The following CFAP61 variants were observed in gnomAD, a reference collection of about 807,000 sequenced individuals.
CFAP61 encodes the protein cilia- and flagella-associated protein 61.
CFAP61 carries 107 observed loss-of-function variants against 135.6 expected under a neutral mutation model. The observed-to-expected ratio is 0.79, with a 90% CI of 0.67 to 0.93. The LOEUF (loss-of-function observed/expected upper bound fraction) is 0.93, where lower values mean the gene tolerates loss of function less well. CFAP61 is among the 40% of genes least tolerant of loss of function. The pLI is 0.00. For synonymous variants in CFAP61, 575 were observed against 578.5 expected (o/e 0.99, Z 0.09); for missense variants, 1,507 against 1,556.2 (o/e 0.97, Z 0.53).
At chr20:20,263,997 TTTG>T (rs1338592710) in intron 21 of CFAP61, among the ~76,000 whole-genome samples, 1 of 152,190 alleles carries the variant, frequency 6.6e-6, no homozygotes, top group East Asian at 1.9e-4. Flanking sequence ...TCTAATTATA[TTTG>T]TTAATACATT....
At chr20:20,173,564 T>C (rs911063069) in intron 13 of CFAP61, among the ~76,000 whole-genome samples, 12 of 152,244 alleles carry the variant, frequency 7.9e-5, no homozygotes, top group East Asian at 1.9e-4. Flanking sequence ...ATATCTTCTT[T>C]GGTGAGGTGT....
chr20:20,267,027 T>G lies in CFAP61; in HGVS notation c.2503+3897T>G, dbSNP rs552934800. ...TCAGCCCTTGCCACCAGGGCCCTGA[T>G]GAAGTTGAGGATATCAGTCTCTATT... On this transcript the variant is annotated intron_variant, in intron 21 of 26. Transcript: ENST00000245957. Among the ~76,000 whole-genome samples the G allele has an allele frequency of 2.4e-3, 365 of 152,144 alleles. 1 individual carries two copies. The highest frequency in any genetic ancestry group is 3.8e-3 in the Non-Finnish European group (259 of 67,982).
chr20:20,335,202 T>C (rs1046141108), intron 25 of CFAP61, among the ~76,000 whole-genome samples: 2 of 152,184 alleles, frequency 1.3e-5, no homozygotes, highest in African/African-American at 4.8e-5. Context: ...CCCAGAGTGT[T>C]CGGTTTTGGA....
chr20:20,138,212 G>A (rs1262582526), intron 8 of CFAP61, among the ~76,000 whole-genome samples: 1 of 152,222 alleles, frequency 6.6e-6, no homozygotes, highest in Non-Finnish European at 1.5e-5. Flanking sequence ...GTGAGATGCG[G>A]TGCCTGGGAT....
Position 20,061,470 on chromosome 20 carries a change from G to A in CFAP61, c.143+4674G>A, listed in dbSNP as rs553951281. Reference sequence around the variant, plus strand: ...GAAATATTTAAAGTCAAAGTATCAGGAAAAAAGATATGCCACCCAAAATCT... The same window carrying A: ...GAAATATTTAAAGTCAAAGTATCAGAAAAAAAGATATGCCACCCAAAATCT... On this transcript the variant is annotated intron_variant, in intron 2 of 26. Coordinates refer to ENST00000245957, the MANE Select transcript of CFAP61 (RefSeq NM_015585.4). Among the ~76,000 whole-genome samples, 4 of 152,128 alleles carry A rather than the reference G, an allele frequency of 2.6e-5. No individual in the cohort carries two copies. In the East Asian group the frequency reaches 7.7e-4, roughly 29 times the overall value.
intron 25 of CFAP61, among the ~76,000 whole-genome samples, chr20:20,324,513 A>G (rs2057673841): frequency 6.6e-6 from 1 of 152,294 alleles, no homozygotes; most frequent in African/African-American, 2.4e-5. Context: ...TGATTTTTCT[A>G]CTAATGAACA....
chr20:20,057,348 A>T (rs2044440644), intron 2 of CFAP61, among the ~76,000 whole-genome samples: 1 of 152,186 alleles, frequency 6.6e-6, no homozygotes. Flanking sequence ...CTTGGTTCAA[A>T]TCTCAGCTGC....
In CFAP61 at chr20:20,299,458, C is replaced by T. The variant is rs73285366; in HGVS notation, c.3422+1072C>T. On this transcript the variant is annotated intron_variant, in intron 25 of 26. Coordinates refer to ENST00000245957, the MANE Select transcript of CFAP61 (RefSeq NM_015585.4). ...CCAGCCCTTGCAGTGAGAAAGAAGC[C>T]GTAGATGATGTGTAAACAAAAAGAC... Among the ~76,000 whole-genome samples, 449 of 152,154 alleles carry T rather than the reference C, an allele frequency of 3.0e-3. 2 individuals are homozygous for T. The highest frequency in any genetic ancestry group is 0.01 in the African/African-American group (417 of 41,504).
chr20:20,266,634 A>G (rs1300094625), intron 21 of CFAP61, among the ~76,000 whole-genome samples: 4 of 152,200 alleles, frequency 2.6e-5, no homozygotes, highest in Non-Finnish European at 4.4e-5. Flanking sequence ...AATTGAAGCT[A>G]TTCTTTAAAA....
At chr20:20,150,753 A>T (rs2052342002) in intron 9 of CFAP61, among the ~76,000 whole-genome samples, 1 of 152,200 alleles carries the variant, frequency 6.6e-6, no homozygotes, top group South Asian at 2.1e-4. Flanking sequence ...ATTCCACAGC[A>T]ATAACCCAGA....
intron 9 of CFAP61, among the ~76,000 whole-genome samples, chr20:20,149,103 T>G (rs536166136): frequency 3.9e-5 from 6 of 152,246 alleles, no homozygotes; most frequent in African/African-American, 1.2e-4. Flanking sequence ...ATAAAATACT[T>G]CACTCAACAA....
intron 24 of CFAP61, among the ~76,000 whole-genome samples, chr20:20,294,801 G>A (rs556024184): frequency 1.1e-3 from 161 of 151,226 alleles, no homozygotes; most frequent in Non-Finnish European, 1.9e-3. Flanking sequence ...GGTGGCTGGC[G>A]CCTGTAGTCC....
intron 2 of CFAP61, among the ~76,000 whole-genome samples, chr20:20,057,055 C>T (rs538319939): frequency 4.7e-5 from 7 of 149,172 alleles, no homozygotes; most frequent in African/African-American, 1.7e-4. Context: ...GAGGCAGAGG[C>T]TGCAGTGAGC....
At chr20:20,281,931 T>G (rs1397158453) in intron 22 of CFAP61, among the ~76,000 whole-genome samples, 2 of 152,252 alleles carry the variant, frequency 1.3e-5, no homozygotes, top group African/African-American at 2.4e-5. Context: ...CAAATTCATT[T>G]TTTTAACTAG....
intron 8 of CFAP61, among the ~76,000 whole-genome samples, chr20:20,102,680 T>C (rs2048115537): frequency 1.3e-5 from 2 of 152,164 alleles, no homozygotes; most frequent in African/African-American, 4.8e-5. Flanking sequence ...TTCCCCTTTA[T>C]GTGTCCATGG....
intron 2 of CFAP61, among the ~76,000 whole-genome samples, chr20:20,068,508 G>A (rs898412097): frequency 2.6e-5 from 4 of 152,152 alleles, no homozygotes; most frequent in East Asian, 3.9e-4. Context: ...GCCAGTGCTC[G>A]TATGGGGCCC....
At chr20:20,307,635 C>A (rs940744907) in intron 25 of CFAP61, among the ~76,000 whole-genome samples, 1 of 152,040 alleles carries the variant, frequency 6.6e-6, no homozygotes, top group African/African-American at 2.4e-5. Flanking sequence ...AAATTGCATT[C>A]GTGTATGTGC....
intron 25 of CFAP61, among the ~76,000 whole-genome samples, chr20:20,320,939 A>C (rs1050855025): frequency 6.6e-6 from 1 of 151,850 alleles, no homozygotes; most frequent in East Asian, 1.9e-4. Flanking sequence ...AAATGTTTAC[A>C]TGGAAAATAA....
rs2053291221 is a variant in CFAP61, at chr20:20,160,325, G to A, written c.1026+881G>A. 2.0e-5 allele frequency among the ~76,000 whole-genome samples: 3 copies of A among 152,156 alleles called. No individual in the cohort carries two copies. The South Asian group carries it at 6.2e-4, about 32-fold the overall frequency. On this transcript the variant is annotated intron_variant, in intron 10 of 26. Coordinates refer to ENST00000245957, the MANE Select transcript of CFAP61 (RefSeq NM_015585.4). ...TTGGTCATATCCATAGAGGCACTGG[G>A]ACAGATTCACTGAACACTAAGCCCA... is the stretch of plus-strand genomic sequence containing the variant.
Sources: allele counts gnomAD v4.1 joint callset (sites outside exome capture counted in the v4.1 genomes callset), GRCh38; gene constraint gnomAD v4.1.1; transcripts MANE v1.5; gene names NCBI Gene and HGNC (gene_info 2026-07-23, HGNC 2026-07-21).